FANCI: variants seen among roughly 807,000 people sequenced by gnomAD.
FANCI encodes the protein FA complementation group I, also known as Fanconi anemia group I protein.
In FANCI, 156 loss-of-function variants were observed where a neutral mutation model predicts 176.1. The ratio of observed to expected loss-of-function variants is 0.89; its 90% confidence interval spans 0.78 to 1.01. FANCI has a LOEUF of 1.01. Ranked by LOEUF, FANCI falls within the 50% of genes least tolerant of loss-of-function variation. The pLI is 0.00. For synonymous variants in FANCI, 613 were observed against 541.7 expected, an observed-to-expected ratio of 1.13 and a Z score of -1.83; for missense variants, 1,678 against 1,534.1, an observed-to-expected ratio of 1.09 and a Z score of -1.57.
At chr15:89,309,031 TG>T (rs1298107736) in intron 34 of FANCI, among the ~76,000 whole-genome samples, 1 of 152,160 alleles carries the variant, frequency 6.6e-6, no homozygotes, top group Non-Finnish European at 1.5e-5. Flanking sequence ...GGCTGATAGT[TG>T]AGACTCTCTG....
chr15:89,311,762 CCT>C (rs1567178272), intron 34 of FANCI, among the ~76,000 whole-genome samples: 1 of 152,174 alleles, frequency 6.6e-6, no homozygotes, highest in Non-Finnish European at 1.5e-5. Context: ...AGTTGCAGAG[CCT>C]CTCTGTATTT....
chr15:89,245,195 A>T (rs2051898057), intron 1 of FANCI: 1 of 147,202 alleles, frequency 6.8e-6, no homozygotes, highest in South Asian at 2.1e-4. Flanking sequence ...TTTGAGACAG[A>T]GTCTCCCTCT....
intron 34 of FANCI, among the ~76,000 whole-genome samples, chr15:89,310,176 G>A (rs995202285): frequency 6.6e-6 from 1 of 152,272 alleles, no homozygotes; most frequent in Non-Finnish European, 1.5e-5. Context: ...GTAAATGTGG[G>A]TCATACAGTC....
intron 27 of FANCI, 95 bp from the exon 28 acceptor site, chr15:89,303,769 C>T: frequency 9.4e-7 from 1 of 1,059,276 alleles, no homozygotes; most frequent in Non-Finnish European, 1.5e-6. Context: ...AGCTGATTTG[C>T]TTAGATATGG....
chr15:89,250,399 A>G (rs2052188912), intron 2 of FANCI, among the ~76,000 whole-genome samples: 1 of 152,138 alleles, frequency 6.6e-6, no homozygotes, highest in Non-Finnish European at 1.5e-5. Context: ...TTGTAGGGAC[A>G]TGGATGAAGC....
chr15:89,250,234 C>G (rs2052179107), intron 2 of FANCI, among the ~76,000 whole-genome samples: 1 of 152,128 alleles, frequency 6.6e-6, no homozygotes, highest in Non-Finnish European at 1.5e-5. Context: ...GCTATAAAGA[C>G]ACATTCACAC....
At chr15:89,294,806 G>A (rs1399077945) in intron 23 of FANCI, 109 bp from the exon 24 acceptor site, 2 of 1,168,432 alleles carry the variant, frequency 1.7e-6, no homozygotes, top group East Asian at 5.2e-5. Flanking sequence ...TTACTGGCAA[G>A]CTCTGTTGGG....
chr15:89,306,048 G>A lies in FANCI; in HGVS notation c.3391G>A (p.Glu1131Lys). The change falls in exon 32 of 38, where the codon GAG becomes AAG. Residue 1131 changes from glutamate (E) to lysine (K), a missense_variant. Glu to Lys is a moderately conservative substitution (Grantham distance 56, BLOSUM62 1). Around this residue, in one of 3 missense-constraint regions of FANCI, gnomAD observed 1,204 missense variants for 1,077.4 expected, o/e 1.12. Coordinates refer to ENST00000310775, the MANE Select transcript of FANCI (RefSeq NM_001113378.2). ...SQATLPNQPV[E>K]KAIIMQLGTL... ...GGCAACCCTACCAAATCAGCCTGTT[G>A]AGAAAGCTATCATCATGCAACTGGG... The A allele has an allele frequency of 6.2e-7, 1 of 1,614,150 alleles. No homozygotes were observed. The highest frequency in any genetic ancestry group is 8.5e-7 in the Non-Finnish European group (1 of 1,180,024).
At chr15:89,264,480 G>T in intron 8 of FANCI, 42 bp from the exon 9 acceptor site, 1 of 1,507,294 alleles carries the variant, frequency 6.6e-7, no homozygotes, top group South Asian at 1.1e-5. Context: ...TGGTTATTTT[G>T]CTGTTAATTG....
In FANCI at chr15:89,273,279, G is replaced by A; in HGVS notation, c.883-98G>A. 5 of 709,266 alleles carry A rather than the reference G, an allele frequency of 7.0e-6. 1 individual carries two copies. The South Asian group carries it at 8.1e-5, about 11-fold the overall frequency. 43.9% of individuals were successfully genotyped at this position (709,266 alleles called of 1,614,324 possible). ...TGATTGCATCACTGCACTCTAGCCT[G>A]GGCAACAGAGAGACCCAATCTTTTT... On this transcript the variant is annotated intron_variant, in intron 10 of 37. Transcript: ENST00000310775.
At chr15:89,272,652 ATTTT>A in intron 10 of FANCI, among the ~76,000 whole-genome samples, 2 of 152,186 alleles carry the variant, frequency 1.3e-5, no homozygotes, top group East Asian at 3.9e-4. Context: ...TCAAGGACCT[ATTTT>A]TATTTTTTAT....
chr15:89,317,006 T>G lies in FANCI; in HGVS notation c.*547T>G. Reference sequence around the variant, plus strand: ...GTTTTCTTTTTATATAAGTGTGTCTTAGATATATTTTAAATAGAAAATAAG... The same window carrying G: ...GTTTTCTTTTTATATAAGTGTGTCTGAGATATATTTTAAATAGAAAATAAG... On this transcript the variant is annotated 3_prime_UTR_variant, in exon 38 of 38. Transcript: ENST00000310775. The G allele has an allele frequency of 1.6e-6, 1 of 624,970 alleles. No homozygotes were observed. The highest frequency in any genetic ancestry group is 2.8e-5 in the East Asian group (1 of 36,058). The allele number at this position is 624,970 out of a possible 1,614,324, so 38.7% of individuals were successfully genotyped here. A position where few individuals can be genotyped will look rare whatever the true frequency, so the allele number is the denominator to read the frequency against.
chr15:89,312,816 T>TAAAAAA lies in FANCI; in HGVS notation c.3652-74_3652-69dup, dbSNP rs11321073. 10 of 864,612 alleles carry TAAAAAA rather than the reference T, an allele frequency of 1.2e-5. No homozygotes were observed. The Admixed American group carries it at 2.5e-4, about 21-fold the overall frequency. 53.6% of individuals were successfully genotyped at this position (864,612 alleles called of 1,614,324 possible). ...CCTGGGTGACAGCAAAGCTCTGTCTTAAAAAAAAAAAAAAAAAAATTAGCA... is the reference window on the plus strand; with the variant it reads ...CCTGGGTGACAGCAAAGCTCTGTCTTAAAAAAAAAAAAAAAAAAAAAAAAATTAGCA... On this transcript the variant is annotated intron_variant, in intron 34 of 37. Transcript: ENST00000310775.
At chr15:89,282,182 T>G (rs751244749) in intron 16 of FANCI, 11 of 338,582 alleles carry the variant, frequency 3.2e-5, no homozygotes, top group African/African-American at 6.4e-5. Context: ...TCAAGTACTT[T>G]GCTCTACTAC....
chr15:89,302,971 T>C (rs1368874451), intron 27 of FANCI, among the ~76,000 whole-genome samples: 3 of 152,200 alleles, frequency 2.0e-5, no homozygotes, highest in African/African-American at 7.2e-5. Context: ...CCCCCACCCA[T>C]GTCCTCCATC....
chr15:89,249,415 T>C (rs377129809), intron 2 of FANCI, among the ~76,000 whole-genome samples: 3 of 152,230 alleles, frequency 2.0e-5, no homozygotes, highest in East Asian at 3.8e-4. Flanking sequence ...TGGGGCGATC[T>C]CGGCACACTG....
intron 32 of FANCI, among the ~76,000 whole-genome samples, 182 bp downstream of exon 32, chr15:89,306,376 G>C (rs1228852077): frequency 2.0e-5 from 3 of 151,956 alleles, no homozygotes; most frequent in African/African-American, 4.8e-5. Context: ...CCACAGGCCA[G>C]GGAAAAACAG....
At position 89,289,718 on chromosome 15, in the gene FANCI, A is replaced by AT. The variant is rs879816431; in HGVS notation, c.1822-481dup. Among the ~76,000 whole-genome samples the AT allele has an allele frequency of 6.7e-3, 965 of 143,410 alleles. 1 individual carries two copies. Among genetic ancestry groups the AT allele is most frequent in the African/African-American group, 0.021 (835 of 39,234 alleles). 94.1% of individuals were successfully genotyped at this position (143,410 alleles called of 152,430 possible). ...TTCCAGAATGAAAGTTCTCCCCAGGATTTTTTTTTTTTTTAAGACAGAGTT... is the reference window on the plus strand; with the variant it reads ...TTCCAGAATGAAAGTTCTCCCCAGGATTTTTTTTTTTTTTTAAGACAGAGTT... On this transcript the variant is annotated intron_variant, in intron 18 of 37. Transcript: ENST00000310775.
chr15:89,280,427 GCAT>G (rs1240219940), intron 14 of FANCI, among the ~76,000 whole-genome samples: 1 of 152,104 alleles, frequency 6.6e-6, no homozygotes, highest in Non-Finnish European at 1.5e-5. Context: ...CTTCACCCCA[GCAT>G]CATTGATTTC....
Sources: allele counts gnomAD v4.1 joint callset (sites outside exome capture counted in the v4.1 genomes callset), GRCh38; gene constraint gnomAD v4.1.1; regional missense constraint gnomAD v4.1.1; transcripts MANE v1.5; gene names NCBI Gene and HGNC (gene_info 2026-07-23, HGNC 2026-07-21).